The following GNPDA2 variants were observed in gnomAD, a reference collection of about 807,000 sequenced individuals.
The protein encoded by GNPDA2 is glucosamine-6-phosphate deaminase 2.
In GNPDA2, 24 loss-of-function variants were observed where a neutral mutation model predicts 27.0. The observed-to-expected ratio is 0.89, with a 90% CI of 0.64 to 1.25. The LOEUF is 1.25. Among genes scored for constraint, GNPDA2 ranks in the 50% most tolerant of loss-of-function variants. GNPDA2 has a pLI of 0.00. For synonymous variants in GNPDA2, 94 were observed against 108.4 expected, an observed-to-expected ratio of 0.87 and a Z score of 0.83; for missense variants, 286 against 335.1, an observed-to-expected ratio of 0.85 and a Z score of 1.14.
chr4:44,725,738 A>T (rs1186864254), intron 1 of GNPDA2, among the ~76,000 whole-genome samples: 1 of 147,774 alleles, frequency 6.8e-6, no homozygotes, highest in African/African-American at 2.5e-5. Flanking sequence ...GATCCAAACT[A>T]TTGTCGCCTT....
intron 6 of GNPDA2, chr4:44,705,073 A>C: frequency 2.0e-6 from 2 of 984,682 alleles, no homozygotes; most frequent in South Asian, 9.4e-5. Context: ...TTTTGGATCT[A>C]GTTAACCTAG....
intron 4 of GNPDA2, among the ~76,000 whole-genome samples, chr4:44,712,179 A>AC (rs1217136386): frequency 6.6e-6 from 1 of 152,102 alleles, no homozygotes; most frequent in Non-Finnish European, 1.5e-5. Flanking sequence ...ATTTATAAGT[A>AC]CCCTAGTAGC....
At chr4:44,722,315 G>T in intron 1 of GNPDA2, 73 bp from the exon 2 acceptor site, 1 of 1,161,148 alleles carries the variant, frequency 8.6e-7, no homozygotes, top group Non-Finnish European at 1.2e-6. Flanking sequence ...TTTAAAAGAT[G>T]TAAATAATAA....
chr4:44,712,916 A>G (rs1404919629), intron 4 of GNPDA2, among the ~76,000 whole-genome samples: 1 of 152,216 alleles, frequency 6.6e-6, no homozygotes, highest in African/African-American at 2.4e-5. Flanking sequence ...TCTATGAAAC[A>G]TCTCTAAAAC....
intron 2 of GNPDA2, among the ~76,000 whole-genome samples, chr4:44,720,772 G>A (rs370583010): frequency 6.6e-6 from 1 of 152,046 alleles, no homozygotes; most frequent in South Asian, 2.1e-4. Flanking sequence ...TCCTCACTTG[G>A]CAGGTATATT....
intron 4 of GNPDA2, among the ~76,000 whole-genome samples, chr4:44,714,093 T>G (rs1161697844): frequency 6.6e-6 from 1 of 152,030 alleles, no homozygotes; most frequent in Admixed American, 6.6e-5. Context: ...TGCCTCAGCC[T>G]CCCGAGTAGC....
At chr4:44,704,715 T>C in intron 6 of GNPDA2, 1 of 980,938 alleles carries the variant, frequency 1.0e-6, no homozygotes, top group South Asian at 4.7e-5. Context: ...TGCACCAGAC[T>C]TCCTGAAACG....
intron 1 of GNPDA2, among the ~76,000 whole-genome samples, chr4:44,724,710 A>G (rs1377479942): frequency 2.0e-5 from 3 of 152,222 alleles, no homozygotes; most frequent in Non-Finnish European, 4.4e-5. Flanking sequence ...AGGTCTTATT[A>G]AAATAAATGT....
chr4:44,712,236 C>A (rs1034926790), intron 4 of GNPDA2, among the ~76,000 whole-genome samples: 7 of 152,062 alleles, frequency 4.6e-5, no homozygotes, highest in Non-Finnish European at 1.0e-4. Context: ...TCTGCCAATT[C>A]CTTGAGTCAT....
At chr4:44,704,589 T>C in intron 6 of GNPDA2, 1 of 765,508 alleles carries the variant, frequency 1.3e-6, no homozygotes, top group Non-Finnish European at 1.6e-6. Context: ...TTTTTAGATA[T>C]TAAGTCAAAT....
chr4:44,705,714 A>G (rs1380319469), intron 6 of GNPDA2: 3 of 152,714 alleles, frequency 2.0e-5, no homozygotes, highest in Non-Finnish European at 4.4e-5. Context: ...AATAGAATAG[A>G]CAAAAGCCTG....
chr4:44,711,119 T>C lies in GNPDA2; in HGVS notation c.428A>G (p.His143Arg), dbSNP rs766367173. 6.2e-7 allele frequency: 1 copy of C among 1,602,588 alleles called. No individual in the cohort carries two copies. ...LFVGGIGPDG[H>R]IAFNEPGSSL... ...GGATCCAGGCTCATTGAAAGCGATA[T>C]GACCATCTGGACCAATTCCTTTCAA... Residue 143 changes from histidine (H) to arginine (R), a missense_variant, in exon 5 of 7, where the codon CAT becomes CGT. By Grantham distance (29) the His-to-Arg change is conservative. Transcript: ENST00000295448.
chr4:44,718,531 A>G, intron 2 of GNPDA2, 121 bp from the exon 3 acceptor site: 1 of 380,214 alleles, frequency 2.6e-6, no homozygotes, highest in East Asian at 4.0e-5. Flanking sequence ...TTTATTAGGC[A>G]ATTATTAACT....
intron 5 of GNPDA2, 71 bp from the exon 6 acceptor site, chr4:44,707,997 A>T: frequency 9.3e-7 from 1 of 1,076,242 alleles, no homozygotes; most frequent in Non-Finnish European, 1.3e-6. Context: ...TTTTTAAACG[A>T]GAACTTAAGC....
At chr4:44,718,473 T>C (rs1346206667) in intron 2 of GNPDA2, 63 bp from the exon 3 acceptor site, 2 of 501,154 alleles carry the variant, frequency 4.0e-6, no homozygotes, top group Admixed American at 3.6e-5. Flanking sequence ...AAACTTTTTA[T>C]TAACTTTACC....
chr4:44,704,831 TGAG>T, intron 6 of GNPDA2: 1 of 983,232 alleles, frequency 1.0e-6, no homozygotes, highest in Non-Finnish European at 1.2e-6. Flanking sequence ...GTCAAACTAC[TGAG>T]GTGGAGCCTA....
chr4:44,701,974 A>G lies in GNPDA2; in HGVS notation c.*1107T>C. On this transcript the variant is annotated 3_prime_UTR_variant, in exon 7 of 7. Coordinates refer to ENST00000295448, the MANE Select transcript of GNPDA2 (RefSeq NM_138335.3). ...CTTCTTCTACCAGGTGGGCTTATGA[A>G]ATGCAAAATAAGCAAAAGGAGCATT... The G allele has an allele frequency of 1.0e-6, 1 of 985,010 alleles. No homozygotes were observed. Among genetic ancestry groups the G allele is most frequent in the Non-Finnish European group, 1.2e-6 (1 of 829,518 alleles). The allele number at this position is 985,010 out of a possible 1,614,324, so 61.0% of individuals were successfully genotyped here. A position where few individuals can be genotyped will look rare whatever the true frequency, so the allele number is the denominator to read the frequency against.
At chr4:44,719,167 CT>C (rs532394281) in intron 2 of GNPDA2, among the ~76,000 whole-genome samples, 7 of 151,172 alleles carry the variant, frequency 4.6e-5, no homozygotes, top group Admixed American at 3.3e-4. Context: ...AAATTTGTTA[CT>C]TTTTTTTTCA....
chr4:44,715,483 T>C (rs1472688234), intron 4 of GNPDA2, among the ~76,000 whole-genome samples: 1 of 152,056 alleles, frequency 6.6e-6, no homozygotes, highest in Non-Finnish European at 1.5e-5. Context: ...AGTGAAAACA[T>C]TTTTTGATAT....
Sources: allele counts gnomAD v4.1 joint callset (sites outside exome capture counted in the v4.1 genomes callset), GRCh38; gene constraint gnomAD v4.1.1; transcripts MANE v1.5; gene names NCBI Gene and HGNC (gene_info 2026-07-23, HGNC 2026-07-21).